The following DLC1 variants were observed in gnomAD, a reference collection of about 807,000 sequenced individuals.
DLC1 encodes DLC1 Rho GTPase activating protein.
A neutral mutation model predicts 140.3 loss-of-function variants in DLC1; 54 were observed. The ratio of observed to expected loss-of-function variants is 0.38; its 90% CI spans 0.31 to 0.48. The LOEUF (loss-of-function observed/expected upper bound fraction) is 0.48, where lower values mean the gene tolerates loss of function less well. DLC1 is among the 20% of genes least tolerant of loss of function. DLC1 has a pLI of 0.96. For synonymous variants in DLC1, 986 were observed against 728.1 expected (o/e 1.35, Z -5.70); for missense variants, 2,536 against 1,907.0 (o/e 1.33, Z -6.14).
rs1472468464 is a variant in DLC1, at chr8:13,304,927, A to T, written c.1348+342T>A. 3.0e-6 allele frequency: 3 copies of T among 1,009,428 alleles called. No individual in the cohort carries two copies. In the Admixed American group the frequency reaches 1.7e-4, roughly 57 times the overall value. 62.5% of individuals were successfully genotyped at this position (1,009,428 alleles called of 1,614,324 possible). A position where few individuals can be genotyped will look rare whatever the true frequency, so the allele number is the denominator to read the frequency against. ...GGCTACTAAGTCATTAAGAGTAAAA[A>T]TAAACCTTGGTAATTATTAATAACT... is the stretch of plus-strand genomic sequence containing the variant. On this transcript the variant is annotated intron_variant, in intron 5 of 17. Coordinates refer to ENST00000276297, the MANE Select transcript of DLC1 (RefSeq NM_182643.3).
chr8:13,520,022 G>T (rs1022560256), intron 1 of DLC1, among the ~76,000 whole-genome samples: 5 of 152,212 alleles, frequency 3.3e-5, no homozygotes, highest in African/African-American at 1.2e-4. Flanking sequence ...TACACCGTTG[G>T]TGGGAGTGTG....
chr8:13,546,365 A>C (rs1186045828), intron 1 of DLC1, among the ~76,000 whole-genome samples: 2 of 152,096 alleles, frequency 1.3e-5, no homozygotes, highest in Admixed American at 1.3e-4. Flanking sequence ...ATCTTGAAAA[A>C]CTATTTTAAT....
rs576872305 is a variant in DLC1, at chr8:13,125,737, AT to A, written c.1349-10081del. Among the ~76,000 whole-genome samples the A allele has an allele frequency of 6.1e-4, 92 of 149,646 alleles. 1 individual carries two copies. The highest frequency in any genetic ancestry group is 8.3e-4 in the Non-Finnish European group (56 of 67,454). On this transcript the variant is annotated intron_variant, in intron 5 of 17. Transcript: ENST00000276297. ...GGAGCTTCCTTTTTAAGTTTTGTTCATTTTTTTTTCTCTTATTCTTCTGCTT... is the reference window on the plus strand; with the variant it reads ...GGAGCTTCCTTTTTAAGTTTTGTTCATTTTTTTTCTCTTATTCTTCTGCTT...
intron 5 of DLC1, among the ~76,000 whole-genome samples, chr8:13,163,246 A>G (rs909048693): frequency 2.0e-5 from 3 of 152,034 alleles, no homozygotes; most frequent in African/African-American, 7.2e-5. Flanking sequence ...ATTAATCCAC[A>G]CCTTTAAGAC....
At chr8:13,268,154 G>T (rs2117365959) in intron 5 of DLC1, among the ~76,000 whole-genome samples, 1 of 152,124 alleles carries the variant, frequency 6.6e-6, no homozygotes, top group Non-Finnish European at 1.5e-5. Flanking sequence ...TTAAATAGTG[G>T]CATATTTTAG....
In DLC1 at chr8:13,376,014, C is replaced by T. The variant is rs576698349; in HGVS notation, c.1314+17539G>A. Among the ~76,000 whole-genome samples the T allele has an allele frequency of 1.2e-4, 18 of 152,128 alleles. No individual in the cohort carries two copies. In the East Asian group the frequency reaches 2.7e-3, roughly 23 times the overall value. On this transcript the variant is annotated intron_variant, in intron 4 of 17. Coordinates refer to ENST00000276297, the MANE Select transcript of DLC1 (RefSeq NM_182643.3). Reference sequence around the variant, plus strand: ...TCCTAATATTTTCACATGCACGAACCGAAAAGAGTTTAAATCATGTTGCTC... The same window carrying T: ...TCCTAATATTTTCACATGCACGAACTGAAAAGAGTTTAAATCATGTTGCTC...
chr8:13,361,607 G>A (rs1222893798), intron 4 of DLC1, among the ~76,000 whole-genome samples: 1 of 151,960 alleles, frequency 6.6e-6, no homozygotes, highest in Non-Finnish European at 1.5e-5. Flanking sequence ...GACATTTTAG[G>A]TATCATTTTA....
At chr8:13,366,304 T>C (rs1691949863) in intron 4 of DLC1, among the ~76,000 whole-genome samples, 1 of 152,166 alleles carries the variant, frequency 6.6e-6, no homozygotes, top group Admixed American at 6.5e-5. Flanking sequence ...TGAGAAAATG[T>C]CTGTTGAGCA....
intron 1 of DLC1, among the ~76,000 whole-genome samples, chr8:13,533,899 CCTT>C (rs1803184078): frequency 6.6e-6 from 1 of 152,142 alleles, no homozygotes; most frequent in East Asian, 1.9e-4. Flanking sequence ...ACTTGCATCT[CCTT>C]CTCATTCCAC....
intron 5 of DLC1, among the ~76,000 whole-genome samples, chr8:13,200,980 C>T (rs543750928): frequency 6.6e-6 from 1 of 152,222 alleles, no homozygotes; most frequent in East Asian, 1.9e-4. Context: ...AATTACAGAA[C>T]ACACACAAAA....
intron 5 of DLC1, among the ~76,000 whole-genome samples, chr8:13,256,488 T>C (rs1011915833): frequency 1.3e-5 from 2 of 152,146 alleles, no homozygotes; most frequent in African/African-American, 4.8e-5. Flanking sequence ...CCATCAGTGA[T>C]AGACTGGATA....
At chr8:13,379,116 T>C (rs1229289534) in intron 4 of DLC1, among the ~76,000 whole-genome samples, 2 of 152,200 alleles carry the variant, frequency 1.3e-5, no homozygotes, top group Non-Finnish European at 2.9e-5. Context: ...TGTTCCAGTA[T>C]TTCTGAAATG....
chr8:13,306,682 G>A (rs1002610883), intron 4 of DLC1, among the ~76,000 whole-genome samples: 3 of 151,784 alleles, frequency 2.0e-5, no homozygotes, highest in Admixed American at 6.6e-5. Context: ...ATATCAAGAC[G>A]TCTATATCCT....
chr8:13,254,949 G>C (rs1484958687), intron 5 of DLC1, among the ~76,000 whole-genome samples: 3 of 151,222 alleles, frequency 2.0e-5, no homozygotes, highest in Non-Finnish European at 4.4e-5. Flanking sequence ...GATCTTGGAA[G>C]AGTTATTTAA....
intron 1 of DLC1, among the ~76,000 whole-genome samples, chr8:13,522,132 G>A (rs1802784506): frequency 1.3e-5 from 2 of 152,174 alleles, no homozygotes; most frequent in Admixed American, 6.5e-5. Context: ...GGTGGGATGA[G>A]AATGTTTCCT....
At chr8:13,367,390 C>G (rs1287867012) in intron 4 of DLC1, among the ~76,000 whole-genome samples, 1 of 152,180 alleles carries the variant, frequency 6.6e-6, no homozygotes, top group East Asian at 1.9e-4. Context: ...AGACAGCCTC[C>G]TGTTCTTAGG....
intron 2 of DLC1, among the ~76,000 whole-genome samples, chr8:13,453,387 G>GATATATATATATATATAT (rs375440831): frequency 1.9e-5 from 1 of 52,454 alleles, no homozygotes; most frequent in South Asian, 6.9e-4. Context: ...GATGGCCCAG[G>GATATATATATATATATAT]ATATATATAT....
chr8:13,397,911 T>C (rs1372787926), intron 3 of DLC1, among the ~76,000 whole-genome samples: 1 of 151,888 alleles, frequency 6.6e-6, no homozygotes, highest in Non-Finnish European at 1.5e-5. Context: ...GGTGAGCAGA[T>C]CACGAGGTGA....
At chr8:13,600,880 T>C (rs79955817) in intron 1 of DLC1, among the ~76,000 whole-genome samples, 3,896 of 151,934 alleles carry the variant, frequency 0.026, 102 homozygotes, top group Middle Eastern at 0.12. Flanking sequence ...TGTACAGTCA[T>C]TTACTACTTC....
Sources: gnomAD v4.1 joint callset for allele counts (sites outside exome capture counted in the v4.1 genomes callset) on GRCh38, gnomAD v4.1.1 for gene constraint, MANE v1.5 for transcripts, NCBI Gene and HGNC (gene_info 2026-07-23, HGNC 2026-07-21) for gene names.